SLC35A5: variants seen among roughly 807,000 people sequenced by gnomAD.
The protein encoded by SLC35A5 is solute carrier family 35 member A5.
Under a neutral mutation model 36.3 loss-of-function variants are expected in SLC35A5, and 28 were observed. That is an observed-to-expected ratio of 0.77 (90% CI 0.57 to 1.06). The LOEUF is 1.06. Ranked by LOEUF, SLC35A5 falls within the 50% of genes least tolerant of loss-of-function variation. The pLI is 0.00. For missense variants in SLC35A5, 521 were observed against 499.3 expected, an observed-to-expected ratio of 1.04 and a Z score of -0.41; for synonymous variants, 180 against 173.7, an observed-to-expected ratio of 1.04 and a Z score of -0.29.
At chr3:112,573,631 T>G (rs1934544766) in intron 4 of SLC35A5, among the ~76,000 whole-genome samples, 1 of 152,248 alleles carries the variant, frequency 6.6e-6, no homozygotes, top group South Asian at 2.1e-4. Flanking sequence ...AACCTAAACC[T>G]TTAGAATTTA....
chr3:112,572,649 A>G (rs1934497983), intron 4 of SLC35A5, among the ~76,000 whole-genome samples: 1 of 152,188 alleles, frequency 6.6e-6, no homozygotes. Flanking sequence ...ACAACCATAT[A>G]TCTTACAGAA....
At chr3:112,579,252 C>T (rs940677588) in intron 5 of SLC35A5, among the ~76,000 whole-genome samples, 3 of 152,204 alleles carry the variant, frequency 2.0e-5, no homozygotes, top group African/African-American at 7.2e-5. Context: ...AGTACATGAC[C>T]TTAGGGAAAT....
chr3:112,562,868 T>A lies in SLC35A5; in HGVS notation c.-19-517T>A, dbSNP rs997241211. Among the ~76,000 whole-genome samples the A allele has an allele frequency of 7.9e-5, 12 of 152,114 alleles. No homozygotes were observed. In the South Asian group the frequency reaches 2.5e-3, roughly 32 times the overall value. ...CACAGTCAGGAGTTCGAGACCAGCCTGGCCAACATAGTGAAACCCCGTCTC... is the reference window on the plus strand; with the variant it reads ...CACAGTCAGGAGTTCGAGACCAGCCAGGCCAACATAGTGAAACCCCGTCTC... On this transcript the variant is annotated intron_variant, in intron 1 of 6. Coordinates refer to ENST00000492406, the MANE Select transcript of SLC35A5 (RefSeq NM_017945.5).
chr3:112,581,429 A>G, intron 6 of SLC35A5, 103 bp downstream of exon 6: 2 of 1,191,480 alleles, frequency 1.7e-6, no homozygotes, highest in South Asian at 3.2e-5. Flanking sequence ...CAAAGAATGT[A>G]TTGGATCTCT....
chr3:112,563,067 A>G (rs1245530286), intron 1 of SLC35A5, among the ~76,000 whole-genome samples: 3 of 150,730 alleles, frequency 2.0e-5, no homozygotes, highest in African/African-American at 7.3e-5. Flanking sequence ...CTCAAAATAC[A>G]TAAATAAATA....
At chr3:112,573,199 A>G (rs1934524547) in intron 4 of SLC35A5, among the ~76,000 whole-genome samples, 1 of 152,192 alleles carries the variant, frequency 6.6e-6, no homozygotes, top group African/African-American at 2.4e-5. Flanking sequence ...TGCATTAAAA[A>G]ATTATTAACT....
intron 5 of SLC35A5, among the ~76,000 whole-genome samples, chr3:112,578,995 C>T (rs577608722): frequency 1.3e-5 from 2 of 152,178 alleles, no homozygotes; most frequent in South Asian, 2.1e-4. Context: ...GCTGCGCTAA[C>T]GCCATCAGTA....
chr3:112,563,584 C>G (rs781403990), intron 2 of SLC35A5, 51 bp downstream of exon 2: 1 of 1,487,126 alleles, frequency 6.7e-7, no homozygotes. Flanking sequence ...AATCACACAT[C>G]TCTCTCTTGC....
Position 112,573,881 on chromosome 3 carries a change from C to A in SLC35A5, c.361-8C>A. 1 of 1,609,220 alleles carries A rather than the reference C, an allele frequency of 6.2e-7. No homozygotes were observed. The highest frequency in any genetic ancestry group is 8.5e-7 in the Non-Finnish European group (1 of 1,175,818). ...TGGATTGTAACTCTATCTTCTCTTTCTTTCTAGGCCATGGCTGTTATCTTC... is the reference window on the plus strand; with the variant it reads ...TGGATTGTAACTCTATCTTCTCTTTATTTCTAGGCCATGGCTGTTATCTTC... On this transcript the variant is annotated splice_region_variant and splice_polypyrimidine_tract_variant and intron_variant, in intron 4 of 6. Coordinates refer to ENST00000492406, the MANE Select transcript of SLC35A5 (RefSeq NM_017945.5).
chr3:112,569,911 A>G (rs563612002), intron 3 of SLC35A5, among the ~76,000 whole-genome samples: 1 of 152,368 alleles, frequency 6.6e-6, no homozygotes, highest in South Asian at 2.1e-4. Context: ...GTGTTTGCCC[A>G]GCAAGATGTC....
rs1236725563 is a variant in SLC35A5, at chr3:112,581,019, G to A, written c.902G>A (p.Gly301Asp). ...ATTAAGAACTGTGGATTTTTTTATG[G>A]CCACAGTGCATTTTCAGTAGCCCTT... ...DQIKNCGFFY[G>D]HSAFSVALIF... Residue 301 changes from glycine to aspartate, a missense_variant, in exon 6 of 7, where the codon GGC (glycine) becomes GAC (aspartate). Gly to Asp is a moderately conservative substitution (Grantham distance 94, BLOSUM62 -1). Coordinates refer to ENST00000492406, the MANE Select transcript of SLC35A5 (RefSeq NM_017945.5). 6.2e-7 allele frequency: 1 copy of A among 1,614,006 alleles called. No individual in the cohort carries two copies.
chr3:112,571,958 C>T (rs1349266210), intron 4 of SLC35A5, among the ~76,000 whole-genome samples: 3 of 93,426 alleles, frequency 3.2e-5, no homozygotes, highest in Non-Finnish European at 5.7e-5. Context: ...TTTTTTGAGA[C>T]GGAGTCTTGC....
chr3:112,568,477 C>A (rs1002476928), intron 2 of SLC35A5, among the ~76,000 whole-genome samples: 15 of 152,130 alleles, frequency 9.9e-5, no homozygotes, highest in Non-Finnish European at 1.8e-4. Context: ...TCATACCAAC[C>A]AAACCTCACT....
rs41270441 is a variant in SLC35A5 at position 112,569,389 on chromosome 3, T to C, written c.229+120T>C. 2.3e-3 allele frequency: 1,730 copies of C among 746,920 alleles called. 3 individuals are homozygous for C. The highest frequency in any genetic ancestry group is 2.6e-3 in the Non-Finnish European group (1,145 of 441,522). The allele number at this position is 746,920 out of a possible 1,614,324, so 46.3% of individuals were successfully genotyped here. A position where few individuals can be genotyped will look rare whatever the true frequency, so the allele number is the denominator to read the frequency against. Reference sequence around the variant, plus strand: ...TAAATTTTATATGAGGAAGCTAAGATACAAACATAAGTATGTTTTAGAGGT... The same window carrying C: ...TAAATTTTATATGAGGAAGCTAAGACACAAACATAAGTATGTTTTAGAGGT... On this transcript the variant is annotated intron_variant, in intron 3 of 6. Coordinates refer to ENST00000492406, the MANE Select transcript of SLC35A5 (RefSeq NM_017945.5).
rs373182838 is a variant in SLC35A5 at position 112,580,611 on chromosome 3, C to T, written c.494C>T (p.Thr165Ile). 1 of 1,614,096 alleles carries T rather than the reference C, an allele frequency of 6.2e-7. No individual in the cohort carries two copies. The highest frequency in any genetic ancestry group is 1.1e-5 in the South Asian group (1 of 91,082). The change falls in exon 6 of 7, where the codon ACT (threonine) becomes ATT (isoleucine). Residue 165 changes from threonine to isoleucine, a missense_variant. Coordinates refer to ENST00000492406, the MANE Select transcript of SLC35A5 (RefSeq NM_017945.5). The stretch of plus-strand genomic sequence containing the variant: ...TTATTTTTGTCTATTGTGGCCTTGA[C>T]TGCCGGGACTAAAACTTTACAGCAC... The part of the protein sequence containing the change: ...LTLFLSIVAL[T>I]AGTKTLQHNL...
chr3:112,572,329 A>G (rs1934485990), intron 4 of SLC35A5, among the ~76,000 whole-genome samples: 1 of 152,002 alleles, frequency 6.6e-6, no homozygotes. Flanking sequence ...AATAATAATA[A>G]TAATAATAAT....
chr3:112,566,462 A>G (rs1934200518), intron 2 of SLC35A5, among the ~76,000 whole-genome samples: 1 of 152,234 alleles, frequency 6.6e-6, no homozygotes, highest in Non-Finnish European at 1.5e-5. Flanking sequence ...TTTAAAACTT[A>G]AGGAACAGAG....
rs1047811452 is a variant in SLC35A5, at chr3:112,571,932, T to G, written c.360+1262T>G. Among the ~76,000 whole-genome samples the G allele has an allele frequency of 1.6e-4, 20 of 122,752 alleles. No individual in the cohort carries two copies. In the East Asian group the frequency reaches 2.8e-3, roughly 17 times the overall value. 80.5% of individuals were successfully genotyped at this position (122,752 alleles called of 152,430 possible). On this transcript the variant is annotated intron_variant, in intron 4 of 6. Transcript: ENST00000492406. ...TGTTTGACTTTCCACAGTTTTTTTT[T>G]TTTTTTTTTTTTTTTTTTTTTGAGA... is the stretch of plus-strand genomic sequence containing the variant.
At position 112,580,890 on chromosome 3, in the gene SLC35A5, A is replaced by G; in HGVS notation, c.773A>G (p.Asn258Ser). The change falls in exon 6 of 7, where the codon AAC (asparagine) becomes AGC (serine). Residue 258 changes from asparagine (N) to serine (S), a missense_variant. Physicochemically the swap from Asn to Ser is conservative, Grantham distance 46. Transcript: ENST00000492406. ...AATGAAAAGATACTGAAGGAAGGGA[A>G]CCAGCTCACTGAAAGCATCTTCATA... ...IYNEKILKEG[N>S]QLTESIFIQN... 5 of 1,614,130 alleles carry G rather than the reference A, an allele frequency of 3.1e-6. No individual in the cohort carries two copies. The highest frequency in any genetic ancestry group is 4.2e-6 in the Non-Finnish European group (5 of 1,179,964).
Sources: gnomAD v4.1 joint callset for allele counts (sites outside exome capture counted in the v4.1 genomes callset) on GRCh38, gnomAD v4.1.1 for gene constraint, MANE v1.5 for transcripts, NCBI Gene and HGNC (gene_info 2026-07-23, HGNC 2026-07-21) for gene names.